The following DNAH7 variants were observed in gnomAD, a reference collection of about 807,000 sequenced individuals.
DNAH7 encodes axonemal beta dynein heavy chain 7.
Under a neutral mutation model 444.6 loss-of-function variants are expected in DNAH7, and 397 were observed. That is an observed-to-expected ratio of 0.89 (90% CI 0.82 to 0.97). The LOEUF (loss-of-function observed/expected upper bound fraction) is 0.97. Ranked by LOEUF, DNAH7 falls within the 50% of genes least tolerant of loss-of-function variation. DNAH7 has a pLI of 0.00. For missense variants in DNAH7, 4,902 were observed against 4,800.8 expected (o/e 1.02, Z -0.62); for synonymous variants, 1,636 against 1,624.4 (o/e 1.01, Z -0.17).
At chr2:196,012,250 T>C (rs934628763) in intron 10 of DNAH7, among the ~76,000 whole-genome samples, 1 of 152,174 alleles carries the variant, frequency 6.6e-6, no homozygotes, top group Non-Finnish European at 1.5e-5. Context: ...TACTGTCTGA[T>C]TCCCAGATTA....
At chr2:195,926,655 G>C (rs1688356264) in intron 21 of DNAH7, 89 bp from the exon 22 acceptor site, 1 of 1,173,236 alleles carries the variant, frequency 8.5e-7, no homozygotes, top group East Asian at 2.8e-5. Flanking sequence ...AATTCATACT[G>C]CTCAATTTTT....
At chr2:195,772,781 CTTT>C (rs201466193) in intron 60 of DNAH7, among the ~76,000 whole-genome samples, 8 of 133,566 alleles carry the variant, frequency 6.0e-5, no homozygotes, top group Admixed American at 2.2e-4. Flanking sequence ...TCTACTGTGA[CTTT>C]TTTTTTTTTT....
At chr2:196,068,578 G>C (rs923963431) in intron 1 of DNAH7, 119 bp downstream of exon 1, 2 of 1,347,140 alleles carry the variant, frequency 1.5e-6, no homozygotes, top group Non-Finnish European at 2.0e-6. Context: ...GGTGAAGGAA[G>C]CTGTACACCG....
intron 64 of DNAH7, 110 bp downstream of exon 64, chr2:195,740,638 TATATATACATATACACAC>T (rs1473419934): frequency 0.013 from 1,233 of 94,826 alleles, 16 homozygotes; most frequent in African/African-American, 0.047. Flanking sequence ...TATATATATA[TATATATACATATACACAC>T]ACACATATGT....
At chr2:196,001,955 T>C in intron 10 of DNAH7, 97 bp from the exon 11 acceptor site, 1 of 961,598 alleles carries the variant, frequency 1.0e-6, no homozygotes, top group Non-Finnish European at 1.5e-6. Flanking sequence ...CTAAAGGTCT[T>C]CATAGAGAAG....
intron 19 of DNAH7, among the ~76,000 whole-genome samples, chr2:195,955,637 T>G (rs1690595648): frequency 6.6e-6 from 1 of 152,180 alleles, no homozygotes; most frequent in Non-Finnish European, 1.5e-5. Flanking sequence ...CCTCCTTTAT[T>G]TACAAGGCCC....
intron 15 of DNAH7, among the ~76,000 whole-genome samples, chr2:195,972,797 T>C (rs1691936209): frequency 1.3e-5 from 2 of 152,224 alleles, no homozygotes; most frequent in South Asian, 2.1e-4. Flanking sequence ...GGGCACCTGC[T>C]ATGGGCCTGA....
chr2:195,973,720 C>T (rs1559291533), intron 15 of DNAH7, among the ~76,000 whole-genome samples: 1 of 152,150 alleles, frequency 6.6e-6, no homozygotes, highest in African/African-American at 2.4e-5. Flanking sequence ...GATCCGCCCA[C>T]CTCAGCCTCC....
Position 195,855,870 on chromosome 2 carries a change from C to T in DNAH7, c.8536G>A (p.Ala2846Thr), listed in dbSNP as rs769576861. ...AALKEVQDKL[A>T]RLQDTLELNK... ...AATTCAAGTGTGTCTTGAAGCCTGG[C>T]CAGCTTGTCCTGAACTTCCTTAAGG... is the stretch of plus-strand genomic sequence containing the variant. Residue 2846 changes from alanine (A) to threonine (T), a missense_variant, in exon 45 of 65, where the codon GCC (alanine) becomes ACC (threonine). By Grantham distance (58) the Ala-to-Thr change is moderately conservative. Transcript: ENST00000312428. The T allele has an allele frequency of 6.2e-7, 1 of 1,613,926 alleles. No individual in the cohort carries two copies. Among genetic ancestry groups the T allele is most frequent in the Non-Finnish European group, 8.5e-7 (1 of 1,179,970 alleles).
chr2:195,986,390 TA>T (rs747316294), intron 14 of DNAH7, among the ~76,000 whole-genome samples: 6 of 152,230 alleles, frequency 3.9e-5, no homozygotes, highest in Admixed American at 2.0e-4. Flanking sequence ...GAAATATTTT[TA>T]ATGATCTGTT....
At chr2:195,911,638 G>A (rs1290155432) in intron 24 of DNAH7, among the ~76,000 whole-genome samples, 1 of 152,060 alleles carries the variant, frequency 6.6e-6, no homozygotes, top group Non-Finnish European at 1.5e-5. Flanking sequence ...AAAAGAATAA[G>A]AATAACAGGG....
In DNAH7 at chr2:195,738,014, C is replaced by T. The variant is rs781492764; in HGVS notation, c.11982G>A (p.Thr3994=). 8.1e-6 allele frequency: 13 copies of T among 1,614,038 alleles called. No homozygotes were observed. Among genetic ancestry groups the T allele is most frequent in the South Asian group, 6.6e-5 (6 of 91,084 alleles). The change falls in exon 65 of 65, where the codon ACG becomes ACA. Residue 3994 remains threonine (T), a synonymous_variant. Coordinates refer to ENST00000312428, the MANE Select transcript of DNAH7 (RefSeq NM_018897.3). ...GAAGAGTCATGGCAATCACAAAATT[C>T]GTGGAATGGCCAGTGGTGGATAATA... ...RGVLSTTGHS[T]NFVIAMTLPS...
rs190715837 is a variant in DNAH7, at chr2:195,756,924, C to T, written c.11434-639G>A. 3.5e-3 allele frequency among the ~76,000 whole-genome samples: 533 copies of T among 151,268 alleles called. 3 individuals are homozygous for T. The highest frequency in any genetic ancestry group is 0.017 in the Middle Eastern group (5 of 294). The stretch of plus-strand genomic sequence containing the variant: ...AGAGGATCACTTGAACCTGGGAGGT[C>T]GAGGCTGCAGTGAGCCAAGATTGTG... On this transcript the variant is annotated intron_variant, in intron 61 of 64. Coordinates refer to ENST00000312428, the MANE Select transcript of DNAH7 (RefSeq NM_018897.3).
chr2:196,027,663 A>G (rs1216911698), intron 6 of DNAH7, among the ~76,000 whole-genome samples: 1 of 151,942 alleles, frequency 6.6e-6, no homozygotes, highest in African/African-American at 2.4e-5. Flanking sequence ...TTATATAATT[A>G]TTATAGGATA....
chr2:195,746,328 G>C (rs1693401422), intron 63 of DNAH7, among the ~76,000 whole-genome samples: 1 of 151,976 alleles, frequency 6.6e-6, no homozygotes, highest in Admixed American at 6.5e-5. Flanking sequence ...CCCAATACAG[G>C]AGCACTCAGA....
intron 12 of DNAH7, among the ~76,000 whole-genome samples, chr2:195,997,638 C>T (rs1216802314): frequency 2.0e-5 from 3 of 152,056 alleles, no homozygotes; most frequent in African/African-American, 4.8e-5. Flanking sequence ...TATGCTTGGA[C>T]TCATGGTGCG....
intron 34 of DNAH7, 23 bp downstream of exon 34, chr2:195,886,118 A>T: frequency 6.2e-7 from 1 of 1,606,442 alleles, no homozygotes; most frequent in Non-Finnish European, 8.5e-7. Context: ...CTGTAGCAGG[A>T]TACAGAAGGC....
At chr2:195,794,242 A>T in intron 57 of DNAH7, 96 bp downstream of exon 57, 2 of 1,157,636 alleles carry the variant, frequency 1.7e-6, no homozygotes, top group Non-Finnish European at 1.3e-6. Flanking sequence ...AGGCCTATTT[A>T]ATTTTTAGTT....
chr2:195,975,179 A>C (rs75370350), intron 15 of DNAH7, among the ~76,000 whole-genome samples: 1 of 152,192 alleles, frequency 6.6e-6, no homozygotes, highest in African/African-American at 2.4e-5. Context: ...TATTAACTTC[A>C]TATTACTGAA....
Sources: gnomAD v4.1 joint callset for allele counts (sites outside exome capture counted in the v4.1 genomes callset) on GRCh38, gnomAD v4.1.1 for gene constraint, MANE v1.5 for transcripts, NCBI Gene and HGNC (gene_info 2026-07-23, HGNC 2026-07-21) for gene names.